Variants in FBN2 observed in about 807,000 individuals in gnomAD.
FBN2 encodes fibrillin 2, also known as fibrillin-2.
FBN2 carries 105 observed loss-of-function variants against 355.6 expected under a neutral mutation model. The ratio of observed to expected loss-of-function variants is 0.30; its 90% CI spans 0.25 to 0.35. FBN2 has a LOEUF of 0.35. Among genes scored for constraint, FBN2 ranks in the 10% least tolerant of loss-of-function variants. The pLI, the probability that FBN2 is intolerant of heterozygous loss-of-function variation, is 1.00. For missense variants in FBN2, 3,280 were observed against 3,758.7 expected (o/e 0.87, Z 3.33); for synonymous variants, 1,350 against 1,301.2 (o/e 1.04, Z -0.81).
chr5:128,393,535 GAT>G (rs1752576208), intron 9 of FBN2, among the ~76,000 whole-genome samples, 167 bp from the exon 10 acceptor site: 2 of 151,450 alleles, frequency 1.3e-5, no homozygotes, highest in Non-Finnish European at 1.5e-5. Context: ...GCAAGAAAAA[GAT>G]ATAGAAGTTT....
chr5:128,498,538 T>G (rs1198807147), intron 5 of FBN2, among the ~76,000 whole-genome samples: 2 of 152,204 alleles, frequency 1.3e-5, no homozygotes, highest in African/African-American at 4.8e-5. Context: ...CAAACGACTC[T>G]TCAGACACCA....
chr5:128,361,505 T>C (rs1475146578), intron 19 of FBN2, among the ~76,000 whole-genome samples: 1 of 152,210 alleles, frequency 6.6e-6, no homozygotes, highest in African/African-American at 2.4e-5. Flanking sequence ...GTTCCAAATG[T>C]GTGTTGATAT....
rs184558146 is a variant in FBN2 at position 128,328,586 on chromosome 5, G to C, written c.4471+110C>G. On this transcript the variant is annotated intron_variant, in intron 34 of 64. Transcript: ENST00000262464. ...TTAAACGAATGACTTTTATAGTGCA[G>C]CATGTGCTATGTATTCTGCTTCCAG... 10 of 1,101,926 alleles carry C rather than the reference G, an allele frequency of 9.1e-6. No individual in the cohort carries two copies. The African/African-American group carries it at 1.5e-4, about 17-fold the overall frequency. 68.3% of individuals were successfully genotyped at this position (1,101,926 alleles called of 1,614,324 possible). A position where few individuals can be genotyped will look rare whatever the true frequency, so the allele number is the denominator to read the frequency against.
At chr5:128,314,634 C>A (rs1750152225) in intron 36 of FBN2, among the ~76,000 whole-genome samples, 1 of 152,020 alleles carries the variant, frequency 6.6e-6, no homozygotes, top group Non-Finnish European at 1.5e-5. Flanking sequence ...TTTATTTATT[C>A]CTCATTTATT....
chr5:128,387,582 G>A (rs1257978298), intron 11 of FBN2, among the ~76,000 whole-genome samples: 3 of 151,948 alleles, frequency 2.0e-5, no homozygotes. Context: ...CTAACTTTTT[G>A]ATGTGGGATT....
chr5:128,359,194 G>C (rs1024894704), intron 19 of FBN2, among the ~76,000 whole-genome samples: 1 of 151,910 alleles, frequency 6.6e-6, no homozygotes, highest in African/African-American at 2.4e-5. Context: ...TATTATTAGT[G>C]CTATTTGTTA....
chr5:128,527,014 C>T (rs536535600), intron 4 of FBN2, among the ~76,000 whole-genome samples: 1 of 152,180 alleles, frequency 6.6e-6, no homozygotes, highest in African/African-American at 2.4e-5. Flanking sequence ...AAAAAGAGAC[C>T]AGCAATCCTT....
At chr5:128,349,772 C>T (rs556182847) in intron 22 of FBN2, among the ~76,000 whole-genome samples, 183 bp downstream of exon 22, 6 of 152,224 alleles carry the variant, frequency 3.9e-5, no homozygotes, top group Admixed American at 2.6e-4. Context: ...AGAGGAGAAA[C>T]GGGAAACTCT....
At chr5:128,353,575 A>T (rs983751693) in intron 20 of FBN2, among the ~76,000 whole-genome samples, 3 of 152,218 alleles carry the variant, frequency 2.0e-5, no homozygotes, top group African/African-American at 4.8e-5. Context: ...TGTGTATTTA[A>T]ATGATCTTTT....
At chr5:128,437,100 A>C (rs1039553075) in intron 7 of FBN2, among the ~76,000 whole-genome samples, 2 of 152,228 alleles carry the variant, frequency 1.3e-5, no homozygotes, top group African/African-American at 4.8e-5. Context: ...ATTCCTTGGG[A>C]AAATCCAAAT....
At chr5:128,317,215 TTC>T (rs1173843101) in intron 36 of FBN2, among the ~76,000 whole-genome samples, 9 of 152,138 alleles carry the variant, frequency 5.9e-5, no homozygotes, top group African/African-American at 1.9e-4. Context: ...CCAGTGCCAA[TTC>T]TGTTTGTTCT....
intron 7 of FBN2, among the ~76,000 whole-genome samples, chr5:128,412,220 C>T (rs946316616): frequency 6.6e-6 from 1 of 152,180 alleles, no homozygotes; most frequent in African/African-American, 2.4e-5. Flanking sequence ...TGGTTTCAAC[C>T]AATGTGTCTT....
intron 8 of FBN2, among the ~76,000 whole-genome samples, chr5:128,396,002 G>T (rs765094512): frequency 2.0e-5 from 3 of 152,180 alleles, no homozygotes; most frequent in Non-Finnish European, 2.9e-5. Context: ...ACTGACTGTA[G>T]CCAGAGCACA....
Position 128,288,459 on chromosome 5 carries a change from C to A in FBN2, c.6736G>T (p.Gly2246Trp). 1 of 1,614,108 alleles carries A rather than the reference C, an allele frequency of 6.2e-7. No individual in the cohort carries two copies. Among genetic ancestry groups the A allele is most frequent in the South Asian group, 1.1e-5 (1 of 91,080 alleles). Reference protein sequence around the residue: ...ECNCNEGFEPGPMMNCEDINE... With the variant: ...ECNCNEGFEPWPMMNCEDINE... The stretch of plus-strand genomic sequence containing the variant: ...TTGCCTTCACAATTCATCATGGGCC[C>A]TGGCTCAAAGCCTTCATTGCAATTG... The change falls in exon 53 of 65, where the codon GGG (glycine) becomes TGG (tryptophan). Residue 2246 changes from glycine (G) to tryptophan (W), a missense_variant. Gly to Trp is a radical substitution (Grantham distance 184). This residue lies in a region of FBN2 where 2,284 missense variants were observed against 2,749.5 expected (regional missense o/e 0.83). Transcript: ENST00000262464.
chr5:128,462,360 T>C (rs1754582227), intron 6 of FBN2, among the ~76,000 whole-genome samples: 1 of 152,178 alleles, frequency 6.6e-6, no homozygotes, highest in South Asian at 2.1e-4. Context: ...GGAAACAGTC[T>C]AGGAATTTAA....
chr5:128,362,909 A>G (rs962102915), intron 18 of FBN2, among the ~76,000 whole-genome samples: 2 of 152,202 alleles, frequency 1.3e-5, no homozygotes, highest in Non-Finnish European at 2.9e-5. Context: ...TTATTAAATA[A>G]TATACTGATA....
chr5:128,366,350 T>C lies in FBN2; in HGVS notation c.2302+27A>G, dbSNP rs748060600. ...CTATACGATTATGTCACGTGATTAT[T>C]ATAAAGTTGAGATTAACTAGAGTTA... On this transcript the variant is annotated intron_variant, in intron 17 of 64. Transcript: ENST00000262464. 4.5e-6 allele frequency: 6 copies of C among 1,327,038 alleles called. No homozygotes were observed. The South Asian group carries it at 7.2e-5, about 16-fold the overall frequency. The allele number at this position is 1,327,038 out of a possible 1,614,324, so 82.2% of individuals were successfully genotyped here.
At position 128,300,820 on chromosome 5, in the gene FBN2, T is replaced by C. The variant is rs1322008100; in HGVS notation, c.6163A>G (p.Ile2055Val). 1 of 1,614,024 alleles carries C rather than the reference T, an allele frequency of 6.2e-7. No individual in the cohort carries two copies. The highest frequency in any genetic ancestry group is 1.7e-5 in the Admixed American group (1 of 60,026). ...TCAGAATAAATGTTACTCTTACCAA[T>C]GCAGTTCTCGCTTTTTACTTCATAC... is the stretch of plus-strand genomic sequence containing the variant. ...PGYEVKSENC[I>V]DINECDEDPN... The change falls in exon 48 of 65, where the codon ATT (isoleucine) becomes GTT (valine). Residue 2055 changes from isoleucine (I) to valine (V), a missense_variant. By Grantham distance (29) the Ile-to-Val change is conservative. Around this residue, in one of 6 missense-constraint regions of FBN2, gnomAD observed 2,284 missense variants for 2,749.5 expected, o/e 0.83. Coordinates refer to ENST00000262464, the MANE Select transcript of FBN2 (RefSeq NM_001999.4).
intron 1 of FBN2, 61 bp from the exon 2 acceptor site, chr5:128,536,545 G>A: frequency 8.2e-7 from 1 of 1,226,886 alleles, no homozygotes; most frequent in Non-Finnish European, 1.2e-6. Context: ...ACATATAAAC[G>A]GTCTTCGTAA....
Sources: allele counts gnomAD v4.1 joint callset (sites outside exome capture counted in the v4.1 genomes callset), GRCh38; gene constraint gnomAD v4.1.1; regional missense constraint gnomAD v4.1.1; transcripts MANE v1.5; gene names NCBI Gene and HGNC (gene_info 2026-07-23, HGNC 2026-07-21).